The following HYDIN variants were observed in gnomAD, a reference collection of about 807,000 sequenced individuals.
HYDIN encodes HYDIN axonemal central pair apparatus protein, also known as axonemal central pair apparatus protein HYDIN.
A neutral mutation model predicts 403.9 loss-of-function variants in HYDIN; 132 were observed. The observed-to-expected ratio is 0.33, with a 90% CI of 0.28 to 0.38. The LOEUF is 0.38. Ranked by LOEUF, HYDIN falls within the 10% of genes least tolerant of loss-of-function variation. HYDIN has a pLI of 1.00. For synonymous variants in HYDIN, 1,202 were observed against 1,891.7 expected (o/e 0.64, Z 9.46); for missense variants, 2,827 against 5,009.5 (o/e 0.56, Z 13.15).
At chr16:71,224,091 T>C (rs1256093144) in intron 1 of HYDIN, among the ~76,000 whole-genome samples, 1 of 152,248 alleles carries the variant, frequency 6.6e-6, no homozygotes, top group Non-Finnish European at 1.5e-5. Flanking sequence ...AAAATGTGTA[T>C]ACCATGGAAT....
intron 18 of HYDIN, among the ~76,000 whole-genome samples, chr16:71,042,765 C>T (rs1397910087): frequency 1.3e-5 from 2 of 152,204 alleles, no homozygotes; most frequent in Non-Finnish European, 2.9e-5. Flanking sequence ...ATCTTCTACA[C>T]AGGTTCCATC....
At chr16:71,204,431 T>C (rs1332839795) in intron 1 of HYDIN, among the ~76,000 whole-genome samples, 2 of 152,216 alleles carry the variant, frequency 1.3e-5, no homozygotes, top group Non-Finnish European at 2.9e-5. Flanking sequence ...GATGTGGCAA[T>C]TTCCAGAAGC....
At chr16:70,949,822 T>C (rs1428768184) in intron 41 of HYDIN, among the ~76,000 whole-genome samples, 1 of 152,298 alleles carries the variant, frequency 6.6e-6, no homozygotes, top group African/African-American at 2.4e-5. Context: ...TGAAAGGAGT[T>C]TGGAGTCAGA....
At chr16:71,207,437 T>C (rs140862435) in intron 1 of HYDIN, among the ~76,000 whole-genome samples, 441 of 152,186 alleles carry the variant, frequency 2.9e-3, no homozygotes, top group African/African-American at 0.01. Context: ...GCAGTCAATA[T>C]AGAAAGACCA....
At chr16:71,019,751 A>G (rs1317695993) in intron 22 of HYDIN, among the ~76,000 whole-genome samples, 2 of 152,234 alleles carry the variant, frequency 1.3e-5, no homozygotes, top group Non-Finnish European at 2.9e-5. Flanking sequence ...CAGAGTTATC[A>G]TTTGGTAGAT....
intron 13 of HYDIN, 39 bp from the exon 14 acceptor site, chr16:71,069,541 CCAA>C (rs2082391327): frequency 6.6e-7 from 1 of 1,519,200 alleles, no homozygotes; most frequent in Non-Finnish European, 9.0e-7. Flanking sequence ...AAAAGCCCCC[CCAA>C]CACCTCCCTT....
intron 1 of HYDIN, among the ~76,000 whole-genome samples, chr16:71,192,199 G>A (rs2087470708): frequency 6.6e-6 from 1 of 152,048 alleles, no homozygotes; most frequent in Admixed American, 6.6e-5. Context: ...CCCTCACCTT[G>A]CTTGTGACTC....
At chr16:71,207,932 A>G (rs763311221) in intron 1 of HYDIN, among the ~76,000 whole-genome samples, 1 of 152,204 alleles carries the variant, frequency 6.6e-6, no homozygotes, top group Non-Finnish European at 1.5e-5. Context: ...GCAAGTTTTT[A>G]GAGATCTATG....
chr16:70,993,944 A>G (rs1597490285), intron 23 of HYDIN, among the ~76,000 whole-genome samples: 1 of 152,184 alleles, frequency 6.6e-6, no homozygotes, highest in African/African-American at 2.4e-5. Context: ...GTCATTTACT[A>G]TATAATATAG....
chr16:70,822,608 A>G (rs532932071), intron 83 of HYDIN, among the ~76,000 whole-genome samples: 1 of 152,372 alleles, frequency 6.6e-6, no homozygotes, highest in East Asian at 1.9e-4. Flanking sequence ...GTTACAGAGT[A>G]ATTTTTCATG....
intron 40 of HYDIN, among the ~76,000 whole-genome samples, chr16:70,955,130 G>T (rs1241193764): frequency 1.3e-5 from 2 of 152,182 alleles, no homozygotes; most frequent in African/African-American, 2.4e-5. Flanking sequence ...AAAGGTGTGG[G>T]CTGTGTCTTA....
At chr16:70,902,821 A>ATTT (rs60618592) in intron 52 of HYDIN, among the ~76,000 whole-genome samples, 20 of 47,276 alleles carry the variant, frequency 4.2e-4, no homozygotes, top group African/African-American at 1.9e-3. Context: ...ATATATATAT[A>ATTT]TTTTTTTTTT....
intron 13 of HYDIN, among the ~76,000 whole-genome samples, chr16:71,077,381 A>G (rs1185242731): frequency 6.6e-6 from 1 of 152,042 alleles, no homozygotes; most frequent in East Asian, 1.9e-4. Context: ...TTCTTAAATG[A>G]TATTTTTCAA....
chr16:71,087,776 G>T (rs1288075523), intron 12 of HYDIN: 2 of 151,846 alleles, frequency 1.3e-5, no homozygotes, highest in African/African-American at 4.9e-5. Flanking sequence ...GGTCTTGCTA[G>T]CAGTTACCAG....
At chr16:71,071,147 C>T (rs539182022) in intron 13 of HYDIN, among the ~76,000 whole-genome samples, 3 of 141,032 alleles carry the variant, frequency 2.1e-5, no homozygotes, top group East Asian at 2.2e-4. Context: ...GAATGTGGAG[C>T]GTATTATGGA....
chr16:70,887,179 C>T (rs529078508), intron 58 of HYDIN, among the ~76,000 whole-genome samples: 5 of 152,104 alleles, frequency 3.3e-5, no homozygotes, highest in East Asian at 1.9e-4. Flanking sequence ...TAATGGCCTC[C>T]GAAAGATGTC....
rs1305808909 is a variant in HYDIN at position 70,807,119 on chromosome 16, G to A, written c.*461C>T. On this transcript the variant is annotated 3_prime_UTR_variant, in exon 86 of 86. Coordinates refer to ENST00000393567, the MANE Select transcript of HYDIN (RefSeq NM_001270974.2). ...TCATCCCTCTGAAAATATTTATTTG[G>A]CTTTTATGTGAAAGCAGAATAAAAT... Among the ~76,000 whole-genome samples the A allele has an allele frequency of 6.6e-6, 1 of 152,168 alleles. No individual in the cohort carries two copies. Among genetic ancestry groups the A allele is most frequent in the Admixed American group, 6.5e-5 (1 of 15,274 alleles).
At position 70,945,862 on chromosome 16, in the gene HYDIN, AG is replaced by A. The variant is rs1276456778; in HGVS notation, c.6532-1914del. On this transcript the variant is annotated intron_variant, in intron 41 of 85. Coordinates refer to ENST00000393567, the MANE Select transcript of HYDIN (RefSeq NM_001270974.2). ...AGCAGCCGTGGAATGGTGGGGACAA[AG>A]GCCCCACTGGAAGCAGTGAAACAGA... Among the ~76,000 whole-genome samples the A allele has an allele frequency of 7.2e-5, 11 of 152,264 alleles. No individual in the cohort carries two copies. The East Asian group carries it at 1.9e-3, about 27-fold the overall frequency.
intron 18 of HYDIN, among the ~76,000 whole-genome samples, chr16:71,041,777 A>T (rs1333136887): frequency 3.3e-5 from 5 of 151,404 alleles, no homozygotes; most frequent in Non-Finnish European, 5.9e-5. Context: ...TATAAAGATA[A>T]TGTTACTTGT....
Sources: gnomAD v4.1 joint callset for allele counts (sites outside exome capture counted in the v4.1 genomes callset) on GRCh38, gnomAD v4.1.1 for gene constraint, MANE v1.5 for transcripts, NCBI Gene and HGNC (gene_info 2026-07-23, HGNC 2026-07-21) for gene names.